FBXL20: variants seen among roughly 807,000 people sequenced by gnomAD.
FBXL20 encodes the protein F-box and leucine rich repeat protein 20, also known as F-box/LRR-repeat protein 20.
FBXL20 carries 11 observed loss-of-function variants against 64.0 expected under a neutral mutation model. That is an observed-to-expected ratio of 0.17 (90% CI 0.11 to 0.28). The LOEUF is 0.28. Among genes scored for constraint, FBXL20 ranks in the 10% least tolerant of loss-of-function variants. FBXL20 has a pLI of 1.00. For missense variants in FBXL20, 303 were observed against 526.2 expected (o/e 0.58, Z 4.15); for synonymous variants, 184 against 189.0 (o/e 0.97, Z 0.22).
At position 39,254,907 on chromosome 17, in the gene FBXL20, C is replaced by G. The variant is rs1355316107; in HGVS notation, c.*6553G>C. ...CCCTGGCTGAGGAAGCACTGAGACT[C>G]AACCTCTATAAACTGAACTTCACAA... On this transcript the variant is annotated 3_prime_UTR_variant, in exon 15 of 15. Coordinates refer to ENST00000264658, the MANE Select transcript of FBXL20 (RefSeq NM_032875.3). 2 of 152,740 alleles carry G rather than the reference C, an allele frequency of 1.3e-5. No homozygotes were observed. Among genetic ancestry groups the G allele is most frequent in the Middle Eastern group, 5.6e-3 (2 of 354 alleles). 9.5% of individuals were successfully genotyped at this position (152,740 alleles called of 1,614,324 possible).
intron 10 of FBXL20, among the ~76,000 whole-genome samples, chr17:39,271,393 T>C (rs1395055925): frequency 2.0e-5 from 3 of 151,486 alleles, no homozygotes; most frequent in African/African-American, 4.9e-5. Context: ...AGGTCAGGAG[T>C]TCGAGACCAG....
intron 1 of FBXL20, among the ~76,000 whole-genome samples, chr17:39,352,871 AGAC>A (rs778804076): frequency 1.3e-5 from 2 of 152,174 alleles, no homozygotes; most frequent in Non-Finnish European, 1.5e-5. Flanking sequence ...TGTGGAAAGA[AGAC>A]TATTTCTCTT....
At position 39,370,622 on chromosome 17, in the gene FBXL20, T is replaced by TAA. The variant is rs71300074; in HGVS notation, c.43-27383_43-27382dup. ...TAACACGGTGAAACCCCGTCTCTAC[T>TAA]AAAAAAAAAAAAAATACAAAAAATT... On this transcript the variant is annotated intron_variant, in intron 1 of 14. Transcript: ENST00000264658. Among the ~76,000 whole-genome samples, 903 of 136,158 alleles carry TAA rather than the reference T, an allele frequency of 6.6e-3. 14 individuals are homozygous for TAA. Among genetic ancestry groups the TAA allele is most frequent in the African/African-American group, 0.023 (861 of 37,516 alleles). The allele number at this position is 136,158 out of a possible 152,430, so 89.3% of individuals were successfully genotyped here. A position where few individuals can be genotyped will look rare whatever the true frequency, so the allele number is the denominator to read the frequency against.
At chr17:39,271,042 A>G (rs1400570150) in intron 10 of FBXL20, among the ~76,000 whole-genome samples, 186 bp from the exon 11 acceptor site, 6 of 152,218 alleles carry the variant, frequency 3.9e-5, no homozygotes, top group Non-Finnish European at 5.9e-5. Flanking sequence ...GAGTCATCAT[A>G]AAGTGGTCCT....
chr17:39,315,829 C>CAGAGACAG (rs1555607898), intron 2 of FBXL20, among the ~76,000 whole-genome samples: 1 of 129,686 alleles, frequency 7.7e-6, no homozygotes, highest in Admixed American at 8.1e-5. Context: ...GAGAGAGAGA[C>CAGAGACAG]AGAGAGAGAG....
intron 9 of FBXL20, among the ~76,000 whole-genome samples, chr17:39,275,313 T>C (rs1215773904): frequency 1.3e-5 from 2 of 152,218 alleles, no homozygotes; most frequent in African/African-American, 2.4e-5. Flanking sequence ...GAAGAAGCTA[T>C]AATAGAATCC....
At chr17:39,392,458 A>G (rs908626518) in intron 1 of FBXL20, among the ~76,000 whole-genome samples, 4 of 151,990 alleles carry the variant, frequency 2.6e-5, no homozygotes, top group South Asian at 2.1e-4. Flanking sequence ...AAAAAAAAGA[A>G]AAGAAAACAA....
intron 1 of FBXL20, among the ~76,000 whole-genome samples, chr17:39,391,999 C>T (rs976147903): frequency 2.6e-5 from 4 of 151,484 alleles, no homozygotes; most frequent in Non-Finnish European, 5.9e-5. Context: ...AAAAACTGGT[C>T]GGGTATGGTG....
chr17:39,367,573 C>A (rs906484169), intron 1 of FBXL20, among the ~76,000 whole-genome samples: 3 of 151,302 alleles, frequency 2.0e-5, no homozygotes, highest in Admixed American at 2.0e-4. Context: ...CACCTCAGCC[C>A]CTCAAAGTGC....
intron 14 of FBXL20, among the ~76,000 whole-genome samples, chr17:39,262,998 T>G (rs1466953788): frequency 9.3e-5 from 1 of 10,734 alleles, no homozygotes; most frequent in Non-Finnish European, 1.4e-4. Context: ...CGAGACTCTG[T>G]CTCAAAAAAA....
At chr17:39,308,766 T>G (rs1040340892) in intron 2 of FBXL20, among the ~76,000 whole-genome samples, 2 of 151,786 alleles carry the variant, frequency 1.3e-5, no homozygotes, top group Non-Finnish European at 2.9e-5. Flanking sequence ...GGGGTTTCAC[T>G]GTGTTAATCA....
rs541266053 is a variant in FBXL20 at position 39,255,391 on chromosome 17, C to G, written c.*6069G>C. On this transcript the variant is annotated 3_prime_UTR_variant, in exon 15 of 15. Coordinates refer to ENST00000264658, the MANE Select transcript of FBXL20 (RefSeq NM_032875.3). ...GGTGGAGCTTGCAGTGAGCCGAGATCACGCCACTGCACTCCAGCCTGGGAA... is the reference window on the plus strand; with the variant it reads ...GGTGGAGCTTGCAGTGAGCCGAGATGACGCCACTGCACTCCAGCCTGGGAA... 6.6e-6 allele frequency: 1 copy of G among 151,972 alleles called. No individual in the cohort carries two copies. The highest frequency in any genetic ancestry group is 1.9e-4 in the East Asian group (1 of 5,156). 9.4% of individuals were successfully genotyped at this position (151,972 alleles called of 1,614,324 possible). A position where few individuals can be genotyped will look rare whatever the true frequency, so the allele number is the denominator to read the frequency against.
intron 6 of FBXL20, among the ~76,000 whole-genome samples, chr17:39,286,624 C>T (rs2046990218): frequency 6.6e-6 from 1 of 152,062 alleles, no homozygotes; most frequent in Non-Finnish European, 1.5e-5. Flanking sequence ...CATTGTGAAA[C>T]CCTGTCTCTA....
At position 39,259,876 on chromosome 17, in the gene FBXL20, C is replaced by T. The variant is rs2046729297; in HGVS notation, c.*1584G>A. 6.7e-6 allele frequency: 1 copy of T among 150,180 alleles called. No homozygotes were observed. Among genetic ancestry groups the T allele is most frequent in the African/African-American group, 2.5e-5 (1 of 40,704 alleles). The allele number at this position is 150,180 out of a possible 1,614,324, so 9.3% of individuals were successfully genotyped here. On this transcript the variant is annotated 3_prime_UTR_variant, in exon 15 of 15. Coordinates refer to ENST00000264658, the MANE Select transcript of FBXL20 (RefSeq NM_032875.3). ...GTGCATGCCTGTAATCCCAGCTACT[C>T]GGTAGGCTGAGGCAAGAGAATCGCT...
At chr17:39,293,810 C>T (rs2047061528) in intron 6 of FBXL20, among the ~76,000 whole-genome samples, 2 of 149,580 alleles carry the variant, frequency 1.3e-5, no homozygotes, top group South Asian at 2.1e-4. Context: ...GCCAAATCTA[C>T]ATAAATTTCT....
rs2048241504 is a variant in FBXL20, at chr17:39,401,346, C to CAA, written c.42+14_42+15insTT. ...CCCGCCCTCCTCACGCCGCCCGAGC[C>CAA]CCCCAAGCTCACACCTCAAACCTGC... On this transcript the variant is annotated intron_variant, in intron 1 of 14. Transcript: ENST00000264658. 6.2e-7 allele frequency: 1 copy of CAA among 1,612,744 alleles called. No homozygotes were observed. Among genetic ancestry groups the CAA allele is most frequent in the African/African-American group, 1.3e-5 (1 of 74,834 alleles).
Position 39,398,813 on chromosome 17 carries a change from T to TACAG in FBXL20, c.42+2544_42+2547dup. Reference sequence around the variant, plus strand: ...CCTCAGCCTCCTGAGTAGCTGGAATTACAGGTGCCCACTACCACGCCCGGC... The same window carrying TACAG: ...CCTCAGCCTCCTGAGTAGCTGGAATTACAGACAGGTGCCCACTACCACGCCCGGC... On this transcript the variant is annotated intron_variant, in intron 1 of 14. Coordinates refer to ENST00000264658, the MANE Select transcript of FBXL20 (RefSeq NM_032875.3). Among the ~76,000 whole-genome samples the TACAG allele has an allele frequency of 2.0e-5, 3 of 152,224 alleles. No individual in the cohort carries two copies. In the East Asian group the frequency reaches 5.8e-4, roughly 29 times the overall value.
chr17:39,264,135 T>A (rs2046771780), intron 14 of FBXL20, 40 bp downstream of exon 14: 2 of 1,579,138 alleles, frequency 1.3e-6, no homozygotes, highest in Non-Finnish European at 8.7e-7. Flanking sequence ...AAGAAAGTGC[T>A]GCTAACACTA....
Position 39,297,115 on chromosome 17 carries a change from TA to T in FBXL20, c.398+11del, listed in dbSNP as rs757174754. The T allele has an allele frequency of 3.1e-6, 5 of 1,594,812 alleles. No homozygotes were observed. Among genetic ancestry groups the T allele is most frequent in the Non-Finnish European group, 4.3e-6 (5 of 1,166,052 alleles). ...GGTTATGACTTATCCTCCAAAAACA[TA>T]AAATACTTACGCGTCTGTTGTCTTT... is the stretch of plus-strand genomic sequence containing the variant. On this transcript the variant is annotated intron_variant, in intron 6 of 14. Coordinates refer to ENST00000264658, the MANE Select transcript of FBXL20 (RefSeq NM_032875.3).
Sources: allele counts gnomAD v4.1 joint callset (sites outside exome capture counted in the v4.1 genomes callset), GRCh38; gene constraint gnomAD v4.1.1; transcripts MANE v1.5; gene names NCBI Gene and HGNC (gene_info 2026-07-23, HGNC 2026-07-21).